Variants in ARRB1 observed in about 807,000 individuals in gnomAD.
The protein encoded by ARRB1 is beta-arrestin-1.
Under a neutral mutation model 56.8 loss-of-function variants are expected in ARRB1, and 21 were observed. The observed-to-expected ratio is 0.37, with a 90% CI of 0.26 to 0.53. The LOEUF (loss-of-function observed/expected upper bound fraction) is 0.53, where lower values mean the gene tolerates loss of function less well. Ranked by LOEUF, ARRB1 falls within the 20% of genes least tolerant of loss-of-function variation. The pLI is 0.88. For synonymous variants in ARRB1, 210 were observed against 218.6 expected (o/e 0.96, Z 0.35); for missense variants, 424 against 553.7 (o/e 0.77, Z 2.35).
chr11:75,343,433 C>T (rs1469478930), intron 1 of ARRB1, among the ~76,000 whole-genome samples: 2 of 152,174 alleles, frequency 1.3e-5, no homozygotes, highest in Non-Finnish European at 2.9e-5. Flanking sequence ...CCTGGGGGAG[C>T]TCACAGCTGG....
chr11:75,344,577 T>A (rs1565149229), intron 1 of ARRB1, among the ~76,000 whole-genome samples: 1 of 152,056 alleles, frequency 6.6e-6, no homozygotes, highest in Non-Finnish European at 1.5e-5. Flanking sequence ...GGAACAAACC[T>A]AGCAGAGGTT....
chr11:75,327,341 G>A (rs1208353627), intron 1 of ARRB1, among the ~76,000 whole-genome samples: 1 of 144,954 alleles, frequency 6.9e-6, no homozygotes, highest in East Asian at 2.1e-4. Flanking sequence ...TGTATAAAAT[G>A]TATTTTTTTG....
intron 6 of ARRB1, chr11:75,281,729 C>A: frequency 1.8e-6 from 1 of 545,318 alleles, no homozygotes; most frequent in Admixed American, 3.2e-5. Flanking sequence ...CCAACGCCAC[C>A]CAGGAGAGCC....
chr11:75,325,737 A>G (rs1947421699), intron 1 of ARRB1, among the ~76,000 whole-genome samples: 1 of 152,186 alleles, frequency 6.6e-6, no homozygotes. Flanking sequence ...TGAGGCCACC[A>G]AAGCCGCTCC....
intron 1 of ARRB1, among the ~76,000 whole-genome samples, chr11:75,325,480 T>C (rs1947415504): frequency 6.6e-6 from 1 of 152,080 alleles, no homozygotes; most frequent in South Asian, 2.1e-4. Context: ...TACCACCACA[T>C]CCAGCTAACT....
intron 9 of ARRB1, among the ~76,000 whole-genome samples, 159 bp downstream of exon 9, chr11:75,277,205 C>G (rs1031311422): frequency 6.6e-6 from 1 of 152,238 alleles, no homozygotes; most frequent in Admixed American, 6.5e-5. Flanking sequence ...CCTGCCTTAC[C>G]CAACTCAAAA....
chr11:75,275,731 T>C (rs1367216293), intron 10 of ARRB1, among the ~76,000 whole-genome samples: 1 of 152,160 alleles, frequency 6.6e-6, no homozygotes, highest in Non-Finnish European at 1.5e-5. Context: ...GCAAGTCACA[T>C]CTCTCTGAGC....
intron 1 of ARRB1, among the ~76,000 whole-genome samples, chr11:75,297,131 T>C (rs1451912948): frequency 2.0e-5 from 3 of 152,180 alleles, no homozygotes; most frequent in Non-Finnish European, 2.9e-5. Flanking sequence ...GAAGACTTGA[T>C]GTTAAGATGC....
intron 1 of ARRB1, among the ~76,000 whole-genome samples, chr11:75,327,593 G>T (rs376117458): frequency 4.8e-3 from 440 of 91,912 alleles, no homozygotes; most frequent in African/African-American, 0.025. Context: ...TTTGTTTTTT[G>T]TTTTTGTTTT....
At position 75,312,182 on chromosome 11, in the gene ARRB1, C is replaced by T. The variant is rs753417731; in HGVS notation, c.21-22143G>A. 15 of 1,273,632 alleles carry T rather than the reference C, an allele frequency of 1.2e-5. No homozygotes were observed. The South Asian group carries it at 1.5e-4, about 13-fold the overall frequency. The allele number at this position is 1,273,632 out of a possible 1,614,324, so 78.9% of individuals were successfully genotyped here. On this transcript the variant is annotated intron_variant, in intron 1 of 15. Transcript: ENST00000420843. ...CTCGCCCTCCCCGGGGAGTGGTGAG[C>T]TCAGCCTTTCCCAGCAGCCGTCCCT... is the stretch of plus-strand genomic sequence containing the variant.
chr11:75,347,633 CAG>C (rs1461532138), intron 1 of ARRB1, among the ~76,000 whole-genome samples: 1 of 152,152 alleles, frequency 6.6e-6, no homozygotes, highest in East Asian at 1.9e-4. Flanking sequence ...CGTCGAGTAG[CAG>C]AGAGGGCTTT....
intron 10 of ARRB1, among the ~76,000 whole-genome samples, chr11:75,276,267 T>C (rs1023610833): frequency 6.6e-6 from 1 of 152,100 alleles, no homozygotes; most frequent in Non-Finnish European, 1.5e-5. Flanking sequence ...TTTAGGTAAG[T>C]AAAGATGTTT....
chr11:75,276,811 G>A (rs772784003), intron 10 of ARRB1, 28 bp downstream of exon 10: 28 of 1,610,982 alleles, frequency 1.7e-5, no homozygotes, highest in Admixed American at 1.0e-4. Context: ...AATCCCATAC[G>A]CCCAAGGCCA....
chr11:75,291,343 C>T (rs556131311), intron 1 of ARRB1, among the ~76,000 whole-genome samples: 1 of 152,070 alleles, frequency 6.6e-6, no homozygotes, highest in African/African-American at 2.4e-5. Flanking sequence ...CAAAAACAAA[C>T]AAACAAAAAA....
In ARRB1 at chr11:75,334,784, C is replaced by G. The variant is rs374437845; in HGVS notation, c.20+16804G>C. 2.0e-5 allele frequency among the ~76,000 whole-genome samples: 3 copies of G among 152,146 alleles called. No homozygotes were observed. In the East Asian group the frequency reaches 5.8e-4, roughly 29 times the overall value. On this transcript the variant is annotated intron_variant, in intron 1 of 15. Transcript: ENST00000420843. ...AGGTGTTGCTTCTGTAGGGAGGGCT[C>G]TAACCTATGACAGATCTCTGCTGTG...
At chr11:75,300,221 AAG>A (rs1554977346) in intron 1 of ARRB1, among the ~76,000 whole-genome samples, 9 of 146,688 alleles carry the variant, frequency 6.1e-5, no homozygotes, top group Non-Finnish European at 1.3e-4. Flanking sequence ...AAAAAAAAAA[AAG>A]AAAGAAAGAA....
At chr11:75,303,872 G>C (rs1946961881) in intron 1 of ARRB1, among the ~76,000 whole-genome samples, 1 of 152,214 alleles carries the variant, frequency 6.6e-6, no homozygotes, top group Non-Finnish European at 1.5e-5. Context: ...GAACTGAAAT[G>C]ATGGCAAACC....
intron 1 of ARRB1, among the ~76,000 whole-genome samples, chr11:75,346,213 G>T (rs1337136470): frequency 2.0e-5 from 3 of 152,016 alleles, no homozygotes; most frequent in African/African-American, 7.3e-5. Context: ...ACCCAGCTCC[G>T]GGGTCACCTC....
rs974700034 is a variant in ARRB1, at chr11:75,269,061, G to C, written c.1023-102C>G. 4.7e-6 allele frequency: 6 copies of C among 1,285,540 alleles called. No individual in the cohort carries two copies. The African/African-American group carries it at 7.4e-5, about 16-fold the overall frequency. 79.6% of individuals were successfully genotyped at this position (1,285,540 alleles called of 1,614,324 possible). A position where few individuals can be genotyped will look rare whatever the true frequency, so the allele number is the denominator to read the frequency against. On this transcript the variant is annotated intron_variant, in intron 13 of 15. Transcript: ENST00000420843. ...TCCGAGGACTGCAGAGGGTTTTGCC[G>C]TCAGAGGAGGTAGATCCAAAAGATG...
Sources: gnomAD v4.1 joint callset for allele counts (sites outside exome capture counted in the v4.1 genomes callset) on GRCh38, gnomAD v4.1.1 for gene constraint, MANE v1.5 for transcripts, NCBI Gene and HGNC (gene_info 2026-07-23, HGNC 2026-07-21) for gene names.